Variants in CPAMD8 observed in about 807,000 individuals in gnomAD.
CPAMD8 encodes C3 and PZP-like alpha-2-macroglobulin domain-containing protein 8.
Under a neutral mutation model 224.7 loss-of-function variants are expected in CPAMD8, and 146 were observed. That is an observed-to-expected ratio of 0.65 (90% CI 0.57 to 0.75). CPAMD8 has a LOEUF of 0.75. Ranked by LOEUF, CPAMD8 falls within the 30% of genes least tolerant of loss-of-function variation. CPAMD8 has a pLI of 0.00. For synonymous variants in CPAMD8, 966 were observed against 1,044.6 expected (o/e 0.92, Z 1.45); for missense variants, 2,301 against 2,537.5 (o/e 0.91, Z 2.00).
intron 12 of CPAMD8, among the ~76,000 whole-genome samples, chr19:16,992,707 C>A: frequency 6.6e-6 from 1 of 152,162 alleles, no homozygotes; most frequent in East Asian, 1.9e-4. Flanking sequence ...CTGCCTTGGC[C>A]TCCCAACGTG....
In CPAMD8 at chr19:16,975,963, C is replaced by G. The variant is rs10405002; in HGVS notation, c.1908+39G>C. ...GGGAGAGCAAGAGAAGGTAAAGCCC[C>G]GTGGAGGTCTAGAACCCAAGCCCGA... On this transcript the variant is annotated intron_variant, in intron 16 of 41. Coordinates refer to ENST00000443236, the MANE Select transcript of CPAMD8 (RefSeq NM_015692.5). 5 of 1,483,582 alleles carry G rather than the reference C, an allele frequency of 3.4e-6. No individual in the cohort carries two copies. The South Asian group carries it at 6.9e-5, about 20-fold the overall frequency. 91.9% of individuals were successfully genotyped at this position (1,483,582 alleles called of 1,614,324 possible). A position where few individuals can be genotyped will look rare whatever the true frequency, so the allele number is the denominator to read the frequency against.
At chr19:16,987,179 A>AAT (rs775029154) in intron 13 of CPAMD8, among the ~76,000 whole-genome samples, 1,076 of 53,776 alleles carry the variant, frequency 0.02, 22 homozygotes, top group East Asian at 0.031. Flanking sequence ...AAAAAAAAAA[A>AAT]ATATATATAT....
At chr19:16,910,910 G>C (rs1202029157) in intron 29 of CPAMD8, 1 of 152,408 alleles carries the variant, frequency 6.6e-6, no homozygotes, top group Non-Finnish European at 1.5e-5. Flanking sequence ...GAAGCTGGAG[G>C]CAGCAAAGAA....
At chr19:16,999,855 A>G (rs540765432) in intron 10 of CPAMD8, among the ~76,000 whole-genome samples, 1 of 151,960 alleles carries the variant, frequency 6.6e-6, no homozygotes, top group Admixed American at 6.6e-5. Context: ...TTTGAGATGG[A>G]GTCTCACTTT....
chr19:16,948,033 C>T (rs2054164129), intron 20 of CPAMD8, among the ~76,000 whole-genome samples: 1 of 152,106 alleles, frequency 6.6e-6, no homozygotes, highest in Non-Finnish European at 1.5e-5. Context: ...TGTGCATGCT[C>T]ACACATACTG....
chr19:16,989,588 A>T (rs1488465870), intron 13 of CPAMD8, 55 bp downstream of exon 13: 9 of 1,585,404 alleles, frequency 5.7e-6, no homozygotes, highest in Non-Finnish European at 7.7e-6. Flanking sequence ...CACCTGGCTC[A>T]TGCTGCTTTT....
Position 16,899,413 on chromosome 19 carries a change from G to C in CPAMD8, c.4848+62C>G. The C allele has an allele frequency of 2.5e-6, 2 of 804,370 alleles. No individual in the cohort carries two copies. The highest frequency in any genetic ancestry group is 4.5e-6 in the Non-Finnish European group (2 of 444,194). 49.8% of individuals were successfully genotyped at this position (804,370 alleles called of 1,614,324 possible). On this transcript the variant is annotated intron_variant, in intron 37 of 41. Coordinates refer to ENST00000443236, the MANE Select transcript of CPAMD8 (RefSeq NM_015692.5). This position sits in a 1 kb window ranked among gnomAD's most constrained non-coding sequence, Gnocchi z 5.4. Reference sequence around the variant, plus strand: ...CAGGGAGCCACACCAGGCAGTGACCGGTGCACCCTCACCAACATGCACACC... The same window carrying C: ...CAGGGAGCCACACCAGGCAGTGACCCGTGCACCCTCACCAACATGCACACC...
chr19:17,005,472 G>A (rs113036323), intron 7 of CPAMD8, among the ~76,000 whole-genome samples: 1 of 139,144 alleles, frequency 7.2e-6, no homozygotes, highest in Non-Finnish European at 1.5e-5. Flanking sequence ...CATCCCCCCA[G>A]AAACACCATC....
At chr19:16,897,378 A>G (rs2052061066) in intron 39 of CPAMD8, 2 of 286,656 alleles carry the variant, frequency 7.0e-6, no homozygotes, top group Middle Eastern at 1.0e-3. Flanking sequence ...CCCTCAACCC[A>G]TTGCGCCCAG....
chr19:17,000,182 G>T (rs779921367), intron 10 of CPAMD8: 1 of 395,866 alleles, frequency 2.5e-6, no homozygotes, highest in Non-Finnish European at 4.4e-6. Flanking sequence ...GTAAAACAGC[G>T]GTGGCTCACA....
Position 16,898,578 on chromosome 19 carries a change from C to G in CPAMD8, c.4849-584G>C, listed in dbSNP as rs548797818. 1.1e-4 allele frequency among the ~76,000 whole-genome samples: 17 copies of G among 152,192 alleles called. No individual in the cohort carries two copies. Among genetic ancestry groups the G allele is most frequent in the African/African-American group, 3.4e-4 (14 of 41,528 alleles). Reference sequence around the variant, plus strand: ...AGTTACAGAACGGTTTCTTTCTCCCCCAAAGAAACCCCATCGCCATCAGCA... The same window carrying G: ...AGTTACAGAACGGTTTCTTTCTCCCGCAAAGAAACCCCATCGCCATCAGCA... On this transcript the variant is annotated intron_variant, in intron 37 of 41. Coordinates refer to ENST00000443236, the MANE Select transcript of CPAMD8 (RefSeq NM_015692.5). This position sits in a 1 kb window ranked among gnomAD's most constrained non-coding sequence, Gnocchi z 4.2.
intron 18 of CPAMD8, among the ~76,000 whole-genome samples, chr19:16,967,152 T>C (rs1170678557): frequency 6.6e-6 from 1 of 152,134 alleles, no homozygotes; most frequent in African/African-American, 2.4e-5. Context: ...TGGAATACTA[T>C]GCAGCCATAA....
chr19:17,013,136 G>A (rs1008354227), intron 3 of CPAMD8, among the ~76,000 whole-genome samples: 4 of 151,340 alleles, frequency 2.6e-5, no homozygotes, highest in African/African-American at 9.7e-5. Flanking sequence ...AGCCCAGATC[G>A]CAACATTGCA....
chr19:17,008,688 T>G (rs750612970), intron 6 of CPAMD8, 129 bp from the exon 7 acceptor site: 1 of 1,048,114 alleles, frequency 9.5e-7, no homozygotes, highest in Non-Finnish European at 1.5e-6. Context: ...CCAAGATTAA[T>G]CATTAACCCC....
chr19:16,992,026 G>A (rs1568572769), intron 12 of CPAMD8, among the ~76,000 whole-genome samples: 1 of 152,158 alleles, frequency 6.6e-6, no homozygotes, highest in Non-Finnish European at 1.5e-5. Context: ...AGAGGACAAA[G>A]TGACCACAGT....
intron 18 of CPAMD8, among the ~76,000 whole-genome samples, chr19:16,968,216 T>A (rs969276328): frequency 3.9e-5 from 6 of 152,106 alleles, no homozygotes; most frequent in African/African-American, 1.4e-4. Flanking sequence ...CTTGAAATGC[T>A]TCCATGTGTA....
rs569123767 is a variant in CPAMD8, at chr19:16,997,058, G to A, written c.1095+53C>T. ...ACTGCAGAGCTAGTGGCTAGTGGTGGTGGTTTCACGGTGGTCCTTGGGCGG... is the reference window on the plus strand; with the variant it reads ...ACTGCAGAGCTAGTGGCTAGTGGTGATGGTTTCACGGTGGTCCTTGGGCGG... On this transcript the variant is annotated intron_variant, in intron 11 of 41. Coordinates refer to ENST00000443236, the MANE Select transcript of CPAMD8 (RefSeq NM_015692.5). 332 of 1,110,072 alleles carry A rather than the reference G, an allele frequency of 3.0e-4. 1 individual carries two copies. The highest frequency in any genetic ancestry group is 1.3e-3 in the South Asian group (103 of 79,282). The allele number at this position is 1,110,072 out of a possible 1,614,324, so 68.8% of individuals were successfully genotyped here.
chr19:16,998,424 C>A (rs1450862362), intron 10 of CPAMD8, among the ~76,000 whole-genome samples: 4 of 152,200 alleles, frequency 2.6e-5, no homozygotes, highest in African/African-American at 9.7e-5. Flanking sequence ...CGTGCCACTG[C>A]ACTCCAGCCT....
Position 16,907,054 on chromosome 19 carries a change from C to A in CPAMD8, c.3925G>T (p.Asp1309Tyr). The change falls in exon 30 of 42, where the codon GAC becomes TAC. Residue 1309 changes from aspartate to tyrosine, a missense_variant. Asp to Tyr is a radical substitution (Grantham distance 160). This residue lies in a region of CPAMD8 where 1,709 missense variants were observed against 1,753.2 expected (regional missense o/e 0.97). Transcript: ENST00000443236. Reference protein sequence around the residue: ...FLESAAPLAMDPYSCALTTYA... With the variant: ...FLESAAPLAMYPYSCALTTYA... The stretch of plus-strand genomic sequence containing the variant: ...GTAGTCAGGGCACAGCTATAAGGGT[C>A]CATGGCCAGGGGCGCAGCAGACTCC... 6.2e-7 allele frequency: 1 copy of A among 1,605,206 alleles called. No individual in the cohort carries two copies. Among genetic ancestry groups the A allele is most frequent in the Non-Finnish European group, 8.5e-7 (1 of 1,176,068 alleles).
Sources: allele counts gnomAD v4.1 joint callset (sites outside exome capture counted in the v4.1 genomes callset), GRCh38; gene constraint gnomAD v4.1.1; regional missense constraint gnomAD v4.1.1; non-coding constraint Gnocchi (gnomAD v3.1); transcripts MANE v1.5; gene names NCBI Gene and HGNC (gene_info 2026-07-23, HGNC 2026-07-21).